Variants in ZNF704 observed in about 807,000 individuals in gnomAD.
The protein encoded by ZNF704 is glucocorticoid induced gene 1.
A neutral mutation model predicts 44.7 loss-of-function variants in ZNF704; 10 were observed. The observed-to-expected ratio is 0.22, with a 90% CI of 0.14 to 0.38. The LOEUF is 0.38. ZNF704 is among the 10% of genes least tolerant of loss of function. The pLI, the probability that ZNF704 is intolerant of heterozygous loss-of-function variation, is 1.00. For missense variants in ZNF704, 390 were observed against 545.5 expected, an observed-to-expected ratio of 0.71 and a Z score of 2.84; for synonymous variants, 211 against 207.6, an observed-to-expected ratio of 1.02 and a Z score of -0.14.
At chr8:80,809,529 AC>A (rs1228152264) in intron 2 of ZNF704, among the ~76,000 whole-genome samples, 1 of 152,164 alleles carries the variant, frequency 6.6e-6, no homozygotes, top group Non-Finnish European at 1.5e-5. Context: ...TCCAGCCAAA[AC>A]AAACCCTTAG....
Position 80,874,244 on chromosome 8 carries a change from C to CGGCGGCCGGCGGCGACGGCGG in ZNF704, c.-22+326_-22+327insCCGCCGTCGCCGCCGGCCGCC, listed in dbSNP as rs1275952224. The stretch of plus-strand genomic sequence containing the variant: ...TCGCTGGACCGGCCGGCGGGGACGC[C>CGGCGGCCGGCGGCGACGGCGG]GGCGGCCGGCGGCTACGGCGGGGCG... On this transcript the variant is annotated intron_variant, in intron 1 of 8. Coordinates refer to ENST00000327835, the MANE Select transcript of ZNF704 (RefSeq NM_001033723.3). This position sits in a 1 kb window ranked among gnomAD's most constrained non-coding sequence, Gnocchi z 4.4. Among the ~76,000 whole-genome samples the CGGCGGCCGGCGGCGACGGCGG allele has an allele frequency of 6.9e-6, 1 of 144,502 alleles. No individual in the cohort carries two copies. Among genetic ancestry groups the CGGCGGCCGGCGGCGACGGCGG allele is most frequent in the African/African-American group, 2.5e-5 (1 of 40,320 alleles). The allele number at this position is 144,502 out of a possible 152,430, so 94.8% of individuals were successfully genotyped here.
intron 2 of ZNF704, among the ~76,000 whole-genome samples, chr8:80,737,539 T>C (rs1806687139): frequency 1.3e-5 from 2 of 152,192 alleles, no homozygotes; most frequent in Admixed American, 1.3e-4. Context: ...GCCTTGGAAT[T>C]TACATATTAT....
At chr8:80,642,949 A>T in intron 8 of ZNF704, 86 bp downstream of exon 8, 1 of 881,548 alleles carries the variant, frequency 1.1e-6, no homozygotes, top group Non-Finnish European at 1.6e-6. Context: ...TTTATAGAAG[A>T]TCATTTCTCA....
intron 5 of ZNF704, among the ~76,000 whole-genome samples, chr8:80,667,182 G>A (rs1183913003): frequency 6.6e-6 from 1 of 152,170 alleles, no homozygotes; most frequent in Non-Finnish European, 1.5e-5. Flanking sequence ...GGACCCCAGG[G>A]AGTGACGGGA....
chr8:80,859,669 C>T (rs778269007), intron 1 of ZNF704, among the ~76,000 whole-genome samples: 3 of 151,972 alleles, frequency 2.0e-5, no homozygotes, highest in Non-Finnish European at 4.4e-5. Context: ...ATTTTTACAC[C>T]GTGTTCTCAA....
intron 3 of ZNF704, among the ~76,000 whole-genome samples, chr8:80,691,720 A>G (rs957491343): frequency 6.6e-6 from 1 of 152,200 alleles, no homozygotes; most frequent in Non-Finnish European, 1.5e-5. Flanking sequence ...AGATGTGCCC[A>G]AATCTCTACC....
intron 4 of ZNF704, among the ~76,000 whole-genome samples, chr8:80,680,917 A>G (rs1271353077): frequency 1.3e-5 from 2 of 152,204 alleles, no homozygotes; most frequent in East Asian, 3.8e-4. Context: ...TGCTGTGGTG[A>G]TACGTGTATA....
At chr8:80,783,614 A>T (rs1807565558) in intron 2 of ZNF704, among the ~76,000 whole-genome samples, 1 of 152,172 alleles carries the variant, frequency 6.6e-6, no homozygotes, top group African/African-American at 2.4e-5. Context: ...AGCAGTTTTA[A>T]GTTCACAGAA....
intron 7 of ZNF704, among the ~76,000 whole-genome samples, chr8:80,657,117 G>T (rs1274672524): frequency 1.3e-5 from 2 of 152,142 alleles, no homozygotes; most frequent in Non-Finnish European, 2.9e-5. Flanking sequence ...TGGGTGGGCT[G>T]TTATGAGAGC....
intron 4 of ZNF704, among the ~76,000 whole-genome samples, chr8:80,678,856 T>C (rs1047952735): frequency 4.6e-5 from 7 of 152,170 alleles, no homozygotes; most frequent in African/African-American, 1.4e-4. Flanking sequence ...TTCTGGTTCA[T>C]AGATCTCTGG....
chr8:80,809,237 G>A (rs1218626392), intron 2 of ZNF704, among the ~76,000 whole-genome samples: 1 of 152,202 alleles, frequency 6.6e-6, no homozygotes, highest in Non-Finnish European at 1.5e-5. Context: ...GTTGAAGTAA[G>A]CTGAGATCGT....
At chr8:80,862,830 G>A (rs1809091101) in intron 1 of ZNF704, among the ~76,000 whole-genome samples, 1 of 150,220 alleles carries the variant, frequency 6.7e-6, no homozygotes, top group Non-Finnish European at 1.5e-5. Context: ...CTCAGCAGAT[G>A]GCTAAAAGCA....
At chr8:80,733,339 T>C (rs192112431) in intron 2 of ZNF704, among the ~76,000 whole-genome samples, 5 of 152,364 alleles carry the variant, frequency 3.3e-5, no homozygotes, top group Admixed American at 2.0e-4. Flanking sequence ...TGATCCTGGT[T>C]ATTATTACCT....
chr8:80,700,659 T>A (rs535666742), intron 2 of ZNF704, among the ~76,000 whole-genome samples: 53 of 152,300 alleles, frequency 3.5e-4, no homozygotes, highest in African/African-American at 1.3e-3. Context: ...CACAACCCCT[T>A]CCTCAAAAGT....
intron 1 of ZNF704, among the ~76,000 whole-genome samples, chr8:80,861,563 A>G (rs1809062021): frequency 6.6e-6 from 1 of 152,194 alleles, no homozygotes; most frequent in Non-Finnish European, 1.5e-5. Context: ...GTACACTTTA[A>G]GAGTTATACG....
chr8:80,703,868 C>T (rs1818852190), intron 2 of ZNF704, among the ~76,000 whole-genome samples: 1 of 152,202 alleles, frequency 6.6e-6, no homozygotes, highest in Admixed American at 6.5e-5. Context: ...AAGCATAGAA[C>T]ACGTATCTGA....
At chr8:80,744,158 T>A (rs1806808087) in intron 2 of ZNF704, among the ~76,000 whole-genome samples, 2 of 152,202 alleles carry the variant, frequency 1.3e-5, no homozygotes, top group South Asian at 4.1e-4. Context: ...ACTGATTACA[T>A]ATTGAAATAA....
chr8:80,716,079 C>T (rs944469040), intron 2 of ZNF704, among the ~76,000 whole-genome samples: 6 of 140,480 alleles, frequency 4.3e-5, no homozygotes, highest in African/African-American at 8.4e-5. Flanking sequence ...GACTCTGTCT[C>T]GAAAAAAAAA....
In ZNF704 at chr8:80,644,451, C is replaced by CT. The variant is rs541006304; in HGVS notation, c.1033-1323dup. Reference sequence around the variant, plus strand: ...TTTTAACAAAGGAAAAAGAATGTTTCTTTTTTTTTTAGATTATAAAAACTT... The same window carrying CT: ...TTTTAACAAAGGAAAAAGAATGTTTCTTTTTTTTTTTAGATTATAAAAACTT... On this transcript the variant is annotated intron_variant, in intron 7 of 8. Transcript: ENST00000327835. Among the ~76,000 whole-genome samples the CT allele has an allele frequency of 2.8e-3, 418 of 149,342 alleles. 1 individual carries two copies. Among genetic ancestry groups the CT allele is most frequent in the Non-Finnish European group, 3.8e-3 (257 of 67,018 alleles).
Sources: gnomAD v4.1 joint callset for allele counts (sites outside exome capture counted in the v4.1 genomes callset) on GRCh38, gnomAD v4.1.1 for gene constraint, Gnocchi (gnomAD v3.1) non-coding constraint, MANE v1.5 for transcripts, NCBI Gene and HGNC (gene_info 2026-07-23, HGNC 2026-07-21) for gene names.